The following TTC27 variants were observed in gnomAD, a reference collection of about 807,000 sequenced individuals.
TTC27 encodes tetratricopeptide repeat protein 27.
TTC27 carries 79 observed loss-of-function variants against 115.9 expected under a neutral mutation model. The ratio of observed to expected loss-of-function variants is 0.68; its 90% confidence interval spans 0.57 to 0.82. The LOEUF is 0.82. TTC27 is among the 40% of genes least tolerant of loss of function. The pLI is 0.00. For missense variants in TTC27, 1,054 were observed against 993.1 expected (o/e 1.06, Z -0.82); for synonymous variants, 401 against 356.0 (o/e 1.13, Z -1.42).
Position 32,637,275 on chromosome 2 carries a change from G to C in TTC27, c.397-2995G>C, listed in dbSNP as rs112975910. On this transcript the variant is annotated intron_variant, in intron 3 of 19. Transcript: ENST00000317907. The stretch of plus-strand genomic sequence containing the variant: ...AGATAATGACCTGAAATTTGTGGTA[G>C]AACAGGCAGACATATTTCTTGTCTC... Among the ~76,000 whole-genome samples the C allele has an allele frequency of 2.3e-3, 347 of 152,112 alleles. 4 individuals are homozygous for C. Among genetic ancestry groups the C allele is most frequent in the African/African-American group, 8.1e-3 (336 of 41,542 alleles).
chr2:32,642,988 G>C (rs1664712741), intron 4 of TTC27, among the ~76,000 whole-genome samples: 1 of 150,814 alleles, frequency 6.6e-6, no homozygotes, highest in Middle Eastern at 3.2e-3. Context: ...TTTTGTTTTT[G>C]AGACAGCGTC....
chr2:32,725,856 C>T (rs1429115421), intron 10 of TTC27, among the ~76,000 whole-genome samples: 2 of 152,232 alleles, frequency 1.3e-5, no homozygotes, highest in African/African-American at 4.8e-5. Context: ...CATTTCCACA[C>T]ATCCTCTGAA....
intron 16 of TTC27, among the ~76,000 whole-genome samples, chr2:32,799,974 C>T (rs1670864154): frequency 1.3e-5 from 2 of 152,158 alleles, no homozygotes; most frequent in South Asian, 4.1e-4. Context: ...TGGAGTTAGG[C>T]AGCCCATTTC....
chr2:32,702,970 A>G (rs557462031), intron 10 of TTC27, 50 bp downstream of exon 10: 23 of 1,232,798 alleles, frequency 1.9e-5, no homozygotes, highest in Admixed American at 1.7e-4. Flanking sequence ...CTCTATTGCT[A>G]TCAGTAAGCA....
At chr2:32,681,173 T>A (rs1666410935) in intron 9 of TTC27, among the ~76,000 whole-genome samples, 1 of 152,176 alleles carries the variant, frequency 6.6e-6, no homozygotes, top group South Asian at 2.1e-4. Flanking sequence ...GCCTAACTCT[T>A]CTAAAGAGAT....
intron 10 of TTC27, among the ~76,000 whole-genome samples, chr2:32,712,714 T>G (rs1438913846): frequency 6.6e-6 from 1 of 151,966 alleles, no homozygotes; most frequent in African/African-American, 2.4e-5. Context: ...CGTCTGTCAA[T>G]TTTTGTATTT....
chr2:32,767,460 T>TTG (rs1553317324), intron 13 of TTC27, among the ~76,000 whole-genome samples: 66 of 142,184 alleles, frequency 4.6e-4, no homozygotes, highest in Non-Finnish European at 9.1e-4. Context: ...TTTGTTTTTT[T>TTG]TTTTTTTTTT....
intron 4 of TTC27, among the ~76,000 whole-genome samples, chr2:32,644,070 A>C (rs1262003463): frequency 6.6e-6 from 1 of 151,312 alleles, no homozygotes; most frequent in African/African-American, 2.4e-5. Context: ...AATCTCAGCT[A>C]CTTGGAAGGC....
chr2:32,770,028 A>C (rs1438500044), intron 13 of TTC27, among the ~76,000 whole-genome samples: 1 of 152,182 alleles, frequency 6.6e-6, no homozygotes, highest in Non-Finnish European at 1.5e-5. Flanking sequence ...ATTGGTGTGA[A>C]CTACCAGGAA....
At chr2:32,633,229 G>A (rs932212166) in intron 2 of TTC27, among the ~76,000 whole-genome samples, 1 of 152,138 alleles carries the variant, frequency 6.6e-6, no homozygotes, top group Non-Finnish European at 1.5e-5. Context: ...AATTTTCCGT[G>A]GAGATAGAAG....
intron 7 of TTC27, among the ~76,000 whole-genome samples, chr2:32,669,933 T>C (rs1359940313): frequency 1.3e-5 from 2 of 150,698 alleles, no homozygotes; most frequent in Admixed American, 6.6e-5. Flanking sequence ...TGTGAAAATA[T>C]GTATTTTAAT....
chr2:32,639,030 C>T (rs1348974789), intron 3 of TTC27, among the ~76,000 whole-genome samples: 1 of 152,060 alleles, frequency 6.6e-6, no homozygotes, highest in Admixed American at 6.6e-5. Flanking sequence ...GACAGGGTTT[C>T]ACCGTGTTAG....
At chr2:32,655,194 TGTTGG>T (rs1427931299) in intron 5 of TTC27, among the ~76,000 whole-genome samples, 3 of 152,108 alleles carry the variant, frequency 2.0e-5, no homozygotes, top group Non-Finnish European at 4.4e-5. Flanking sequence ...GGTTTCACCA[TGTTGG>T]CCAAGCTGGT....
rs770436494 is a variant in TTC27, at chr2:32,666,658, T to C, written c.829T>C (p.Phe277Leu). 2 of 1,613,856 alleles carry C rather than the reference T, an allele frequency of 1.2e-6. No individual in the cohort carries two copies. The highest frequency in any genetic ancestry group is 1.7e-6 in the Non-Finnish European group (2 of 1,179,916). ...LTGALGKRTRFQENYVAQLIL... is the reference protein window; with the variant it reads ...LTGALGKRTRLQENYVAQLIL... The stretch of plus-strand genomic sequence containing the variant: ...AGGTGCTTTGGGAAAAAGAACACGG[T>C]TCCAGGAAAATTATGTGGCACAACT... Residue 277 changes from phenylalanine to leucine, a missense_variant, in exon 7 of 20, where the codon TTC (phenylalanine) becomes CTC (leucine). Phe to Leu is a conservative substitution (Grantham distance 22). Coordinates refer to ENST00000317907, the MANE Select transcript of TTC27 (RefSeq NM_017735.5).
At chr2:32,756,991 G>A (rs1200364108) in intron 12 of TTC27, among the ~76,000 whole-genome samples, 2 of 152,178 alleles carry the variant, frequency 1.3e-5, no homozygotes, top group Non-Finnish European at 1.5e-5. Context: ...GAATAATGCC[G>A]AAGTCTGTGC....
chr2:32,787,886 TC>T (rs1249976859), intron 16 of TTC27, among the ~76,000 whole-genome samples: 1 of 152,180 alleles, frequency 6.6e-6, no homozygotes, highest in Non-Finnish European at 1.5e-5. Flanking sequence ...GAGTTTTACA[TC>T]CCTAGAAAGG....
chr2:32,816,712 A>T (rs963547680), intron 18 of TTC27, among the ~76,000 whole-genome samples: 1 of 152,176 alleles, frequency 6.6e-6, no homozygotes, highest in African/African-American at 2.4e-5. Flanking sequence ...CGTTCTCTAC[A>T]TGAAGACACA....
chr2:32,755,960 T>A (rs964337796), intron 12 of TTC27, among the ~76,000 whole-genome samples: 5 of 152,338 alleles, frequency 3.3e-5, no homozygotes, highest in South Asian at 4.1e-4. Context: ...ACATGATAAC[T>A]TAAGTAATTC....
Position 32,664,654 on chromosome 2 carries a change from C to T in TTC27, c.805+187C>T, listed in dbSNP as rs1370057805. 3.9e-5 allele frequency among the ~76,000 whole-genome samples: 6 copies of T among 152,182 alleles called. No individual in the cohort carries two copies. The South Asian group carries it at 1.2e-3, about 32-fold the overall frequency. ...TTGAAATGATATATTTTCCTTATTT[C>T]TAGAGTTTTCCATTTATTGCGCTGA... is the stretch of plus-strand genomic sequence containing the variant. On this transcript the variant is annotated intron_variant, in intron 6 of 19. Coordinates refer to ENST00000317907, the MANE Select transcript of TTC27 (RefSeq NM_017735.5).
Sources: gnomAD v4.1 joint callset for allele counts (sites outside exome capture counted in the v4.1 genomes callset) on GRCh38, gnomAD v4.1.1 for gene constraint, MANE v1.5 for transcripts, NCBI Gene and HGNC (gene_info 2026-07-23, HGNC 2026-07-21) for gene names.